The following GRM7 variants were observed in gnomAD, a reference collection of about 807,000 sequenced individuals.
GRM7 encodes the protein metabotropic glutamate receptor 7.
A neutral mutation model predicts 84.5 loss-of-function variants in GRM7; 35 were observed. The observed-to-expected ratio is 0.41, with a 90% CI of 0.32 to 0.55. The LOEUF is 0.55. GRM7 is among the 20% of genes least tolerant of loss of function. GRM7 has a pLI of 0.19. For missense variants in GRM7, 1,003 were observed against 1,194.6 expected (o/e 0.84, Z 2.36); for synonymous variants, 487 against 455.1 (o/e 1.07, Z -0.89).
In GRM7 at chr3:6,932,342, C is replaced by T. The variant is rs1377545231; in HGVS notation, c.519+70435C>T. On this transcript the variant is annotated intron_variant, in intron 1 of 9. Transcript: ENST00000357716. Reference sequence around the variant, plus strand: ...TTGATATATCCCCATTTATTCTGATCGAGTAGCCCAGATGGAAGCTTTTTG... The same window carrying T: ...TTGATATATCCCCATTTATTCTGATTGAGTAGCCCAGATGGAAGCTTTTTG... Among the ~76,000 whole-genome samples, 5 of 152,202 alleles carry T rather than the reference C, an allele frequency of 3.3e-5. No individual in the cohort carries two copies. In the East Asian group the frequency reaches 5.8e-4, roughly 18 times the overall value.
intron 5 of GRM7, among the ~76,000 whole-genome samples, chr3:7,447,517 G>A (rs1464866221): frequency 1.3e-5 from 2 of 152,082 alleles, no homozygotes; most frequent in Non-Finnish European, 2.9e-5. Flanking sequence ...GTGATTTCAA[G>A]CTTGGCTAAC....
At chr3:7,731,879 C>T (rs755047490) in intron 9 of GRM7, among the ~76,000 whole-genome samples, 8 of 152,054 alleles carry the variant, frequency 5.3e-5, no homozygotes, top group Non-Finnish European at 1.0e-4. Context: ...AGCTTTGGCC[C>T]ACTATTTCAT....
At chr3:7,464,817 G>A (rs571328276) in intron 7 of GRM7, among the ~76,000 whole-genome samples, 2 of 135,390 alleles carry the variant, frequency 1.5e-5, no homozygotes, top group Non-Finnish European at 3.1e-5. Context: ...GACAGAGCAA[G>A]ACTCTGTCTC....
chr3:7,554,223 A>G (rs1393388841), intron 7 of GRM7, among the ~76,000 whole-genome samples: 1 of 152,258 alleles, frequency 6.6e-6, no homozygotes, highest in African/African-American at 2.4e-5. Flanking sequence ...ATATGCTTGT[A>G]GATGCTGGCA....
intron 7 of GRM7, among the ~76,000 whole-genome samples, chr3:7,492,689 G>A (rs555430399): frequency 2.6e-4 from 39 of 151,336 alleles, no homozygotes; most frequent in South Asian, 2.1e-3. Flanking sequence ...CTTTATTTTC[G>A]GTTCATTTGA....
chr3:7,255,834 A>G (rs913368268), intron 2 of GRM7, among the ~76,000 whole-genome samples: 1 of 152,218 alleles, frequency 6.6e-6, no homozygotes. Context: ...GATTACTGTA[A>G]TAGCCTCCTC....
At chr3:7,477,243 G>A (rs1698959029) in intron 7 of GRM7, among the ~76,000 whole-genome samples, 1 of 152,094 alleles carries the variant, frequency 6.6e-6, no homozygotes, top group Non-Finnish European at 1.5e-5. Context: ...AAAAGAGCAA[G>A]ATACTCAGCT....
intron 2 of GRM7, among the ~76,000 whole-genome samples, chr3:7,227,701 T>C (rs1006655298): frequency 6.6e-6 from 1 of 152,180 alleles, no homozygotes; most frequent in Non-Finnish European, 1.5e-5. Context: ...ACAGCTATTC[T>C]TTTAAAGCAT....
intron 4 of GRM7, among the ~76,000 whole-genome samples, chr3:7,343,103 G>T (rs1692718176): frequency 6.6e-6 from 1 of 152,122 alleles, no homozygotes; most frequent in Non-Finnish European, 1.5e-5. Context: ...CTACCCAAAT[G>T]CTCAGTGTAT....
chr3:7,105,122 A>G (rs1014540427), intron 1 of GRM7, among the ~76,000 whole-genome samples: 1 of 151,786 alleles, frequency 6.6e-6, no homozygotes, highest in African/African-American at 2.4e-5. Flanking sequence ...AAATATTCAG[A>G]TTTCAAATCC....
intron 7 of GRM7, among the ~76,000 whole-genome samples, chr3:7,544,512 GA>G (rs1370317464): frequency 6.6e-6 from 1 of 152,118 alleles, no homozygotes; most frequent in Admixed American, 6.6e-5. Context: ...TACTGGATGG[GA>G]GATCCTGGGT....
chr3:6,993,599 A>G (rs1222017753), intron 1 of GRM7, among the ~76,000 whole-genome samples: 3 of 152,312 alleles, frequency 2.0e-5, no homozygotes, highest in Non-Finnish European at 2.9e-5. Context: ...AGAAAAGCAT[A>G]TTGAAACAAC....
intron 4 of GRM7, among the ~76,000 whole-genome samples, chr3:7,350,978 T>C (rs1477511753): frequency 6.6e-6 from 1 of 152,092 alleles, no homozygotes; most frequent in Non-Finnish European, 1.5e-5. Context: ...CTTTCATCAT[T>C]GAAACTTGTT....
chr3:7,305,081 T>C (rs1397247679), intron 3 of GRM7, among the ~76,000 whole-genome samples: 1 of 152,146 alleles, frequency 6.6e-6, no homozygotes, highest in Non-Finnish European at 1.5e-5. Context: ...TACAGAAAAA[T>C]TATTTTCTAC....
chr3:7,618,371 G>A (rs1167567345), intron 8 of GRM7, among the ~76,000 whole-genome samples: 1 of 152,026 alleles, frequency 6.6e-6, no homozygotes, highest in Non-Finnish European at 1.5e-5. Context: ...TTACATGTTT[G>A]TTAAAAGAAA....
At chr3:7,444,265 C>G (rs917959410) in intron 5 of GRM7, among the ~76,000 whole-genome samples, 3 of 152,150 alleles carry the variant, frequency 2.0e-5, no homozygotes, top group Non-Finnish European at 2.9e-5. Flanking sequence ...GCTAAGAGGA[C>G]AGGCATCTAT....
At chr3:7,654,274 C>T (rs1326278412) in intron 8 of GRM7, among the ~76,000 whole-genome samples, 1 of 152,154 alleles carries the variant, frequency 6.6e-6, no homozygotes, top group Admixed American at 6.5e-5. Context: ...ATGAGTTTGT[C>T]CTTTCAGTAA....
At chr3:6,981,200 CAT>C (rs1694185953) in intron 1 of GRM7, among the ~76,000 whole-genome samples, 1 of 152,106 alleles carries the variant, frequency 6.6e-6, no homozygotes, top group African/African-American at 2.4e-5. Context: ...TTAAATTATA[CAT>C]GTTTGAATCA....
intron 1 of GRM7, among the ~76,000 whole-genome samples, chr3:7,000,998 A>G (rs1156902496): frequency 2.6e-5 from 4 of 152,224 alleles, no homozygotes; most frequent in Admixed American, 6.5e-5. Flanking sequence ...GATATTGCCA[A>G]TTGGAGGGTT....
Sources: allele counts gnomAD v4.1 joint callset (sites outside exome capture counted in the v4.1 genomes callset), GRCh38; gene constraint gnomAD v4.1.1; transcripts MANE v1.5; gene names NCBI Gene and HGNC (gene_info 2026-07-23, HGNC 2026-07-21).